NAALADL2: variants seen among roughly 807,000 people sequenced by gnomAD.
NAALADL2 encodes N-acetylated alpha-linked acidic dipeptidase like 2, also known as inactive N-acetylated-alpha-linked acidic dipeptidase-like protein 2.
In NAALADL2, 76 loss-of-function variants were observed where a neutral mutation model predicts 87.2. The ratio of observed to expected loss-of-function variants is 0.87; its 90% CI spans 0.72 to 1.05. The LOEUF is 1.05. Ranked by LOEUF, NAALADL2 falls within the 50% of genes least tolerant of loss-of-function variation. NAALADL2 has a pLI of 0.00. For synonymous variants in NAALADL2, 354 were observed against 331.0 expected, an observed-to-expected ratio of 1.07 and a Z score of -0.75; for missense variants, 1,089 against 945.8, an observed-to-expected ratio of 1.15 and a Z score of -1.99.
At chr3:175,501,083 A>G (rs1474458127) in intron 9 of NAALADL2, among the ~76,000 whole-genome samples, 3 of 152,084 alleles carry the variant, frequency 2.0e-5, no homozygotes, top group Non-Finnish European at 2.9e-5. Flanking sequence ...GTGATAATAC[A>G]TAGAAGAGGA....
At chr3:175,719,224 A>G (rs997365924) in intron 11 of NAALADL2, among the ~76,000 whole-genome samples, 1 of 151,300 alleles carries the variant, frequency 6.6e-6, no homozygotes, top group African/African-American at 2.4e-5. Context: ...GGGGTTACAA[A>G]AAAAAAAAAG....
At chr3:174,698,967 G>GTATATATA (rs139364042) in intron 2 of NAALADL2, among the ~76,000 whole-genome samples, 4 of 141,496 alleles carry the variant, frequency 2.8e-5, no homozygotes, top group East Asian at 4.4e-4. Context: ...GTGTGTGCGT[G>GTATATATA]TATATATATA....
chr3:174,927,502 A>G (rs181341132), intron 1 of NAALADL2, among the ~76,000 whole-genome samples: 34 of 152,312 alleles, frequency 2.2e-4, no homozygotes, highest in African/African-American at 7.2e-4. Context: ...AATTATAACA[A>G]ACTGTCTCTC....
chr3:175,026,485 A>G (rs1195627557), intron 1 of NAALADL2, among the ~76,000 whole-genome samples: 2 of 148,734 alleles, frequency 1.3e-5, no homozygotes, highest in African/African-American at 4.9e-5. Context: ...TCTCTACTAA[A>G]AAAAAAAAAA....
At chr3:174,563,181 T>A (rs1713832342) in intron 2 of NAALADL2, among the ~76,000 whole-genome samples, 1 of 151,814 alleles carries the variant, frequency 6.6e-6, no homozygotes, top group Non-Finnish European at 1.5e-5. Flanking sequence ...GAAGATGAGT[T>A]TCTTGTTTAT....
In NAALADL2 at chr3:175,558,712, T is replaced by C. The variant is rs80098271; in HGVS notation, c.1654-17329T>C. ...TCCCCAATGTATATCCTTGACAACGTTGTTGAAAATGATTTTACTGTATAT... is the reference window on the plus strand; with the variant it reads ...TCCCCAATGTATATCCTTGACAACGCTGTTGAAAATGATTTTACTGTATAT... On this transcript the variant is annotated intron_variant, in intron 9 of 13. Coordinates refer to ENST00000454872, the MANE Select transcript of NAALADL2 (RefSeq NM_207015.3). Among the ~76,000 whole-genome samples the C allele has an allele frequency of 1.8e-3, 281 of 152,300 alleles. 3 individuals carry two copies. Among genetic ancestry groups the C allele is most frequent in the Non-Finnish European group, 3.1e-3 (210 of 68,016 alleles).
intron 2 of NAALADL2, among the ~76,000 whole-genome samples, chr3:175,162,020 T>A (rs1290118196): frequency 6.6e-6 from 1 of 152,200 alleles, no homozygotes; most frequent in Non-Finnish European, 1.5e-5. Flanking sequence ...TTAGAGCAAT[T>A]GGAATTTCAC....
At chr3:175,343,300 T>G (rs909458737) in intron 5 of NAALADL2, among the ~76,000 whole-genome samples, 1 of 152,076 alleles carries the variant, frequency 6.6e-6, no homozygotes, top group African/African-American at 2.4e-5. Flanking sequence ...ATATAGAGTT[T>G]CTCCATTGCA....
intron 1 of NAALADL2, among the ~76,000 whole-genome samples, chr3:175,033,133 G>T (rs1396084373): frequency 1.3e-5 from 2 of 151,882 alleles, no homozygotes; most frequent in African/African-American, 4.8e-5. Flanking sequence ...GGTTGGTGGT[G>T]GGGAGGGGTC....
chr3:175,082,075 T>C (rs1432048743), intron 1 of NAALADL2, among the ~76,000 whole-genome samples: 1 of 152,120 alleles, frequency 6.6e-6, no homozygotes, highest in African/African-American at 2.4e-5. Flanking sequence ...TGTGTGTTTA[T>C]TAAAACACAA....
At chr3:175,619,260 G>GAAGT in intron 10 of NAALADL2, among the ~76,000 whole-genome samples, 1 of 88,968 alleles carries the variant, frequency 1.1e-5, no homozygotes, top group Non-Finnish European at 2.5e-5. Flanking sequence ...AGGAAGGAAG[G>GAAGT]AAGGAAGGAG....
chr3:175,294,584 C>T (rs1756070522), intron 4 of NAALADL2, among the ~76,000 whole-genome samples: 1 of 152,122 alleles, frequency 6.6e-6, no homozygotes, highest in Non-Finnish European at 1.5e-5. Flanking sequence ...CCCAAGATCA[C>T]GTAGCTTGGA....
intron 5 of NAALADL2, among the ~76,000 whole-genome samples, chr3:175,350,604 T>G (rs952005362): frequency 6.6e-6 from 1 of 152,124 alleles, no homozygotes; most frequent in African/African-American, 2.4e-5. Flanking sequence ...TAGGCGTCTC[T>G]TTTTCTCCTG....
chr3:174,637,678 G>A (rs1722782088), intron 2 of NAALADL2, among the ~76,000 whole-genome samples: 1 of 151,924 alleles, frequency 6.6e-6, no homozygotes, highest in East Asian at 1.9e-4. Flanking sequence ...AAGTTTTCAG[G>A]ACATTTCATG....
chr3:175,345,236 C>G (rs1052476061), intron 5 of NAALADL2, among the ~76,000 whole-genome samples: 1 of 151,766 alleles, frequency 6.6e-6, no homozygotes, highest in Non-Finnish European at 1.5e-5. Flanking sequence ...ATTGAGTAAC[C>G]TTCCTAAGGT....
Position 175,447,371 on chromosome 3 carries a change from T to C in NAALADL2, c.1233T>C (p.Asn411=), listed in dbSNP as rs1304873771. The change falls in exon 6 of 14, where the codon AAT becomes AAC. Residue 411 remains asparagine (N), a splice_region_variant and synonymous_variant. Transcript: ENST00000454872. ...GTAGCTCTCTAGAGCTTCCAAATAA[T>C]GGTAAAGTATTTAATGTCGTTCTCT... ...EACSSLELPN[N]EIRVVSMQVQ... The C allele has an allele frequency of 6.4e-7, 1 of 1,552,760 alleles. No homozygotes were observed. Among genetic ancestry groups the C allele is most frequent in the Non-Finnish European group, 8.7e-7 (1 of 1,152,596 alleles).
intron 1 of NAALADL2, among the ~76,000 whole-genome samples, chr3:175,083,979 T>C (rs949805068): frequency 1.3e-5 from 2 of 152,160 alleles, no homozygotes; most frequent in African/African-American, 4.8e-5. Context: ...GAACATGCAC[T>C]GTGTATGCCG....
rs568548959 is a variant in NAALADL2 at position 175,211,736 on chromosome 3, G to A, written c.546-22195G>A. On this transcript the variant is annotated intron_variant, in intron 2 of 13. Transcript: ENST00000454872. ...GGACTTGCTTGATTAACAAACAAGA[G>A]TTAATCCAAAGATAACACATTGTGA... is the stretch of plus-strand genomic sequence containing the variant. Among the ~76,000 whole-genome samples, 6 of 152,060 alleles carry A rather than the reference G, an allele frequency of 3.9e-5. No individual in the cohort carries two copies. In the South Asian group the frequency reaches 1.2e-3, roughly 31 times the overall value.
chr3:174,660,210 TATA>T (rs1356415763), intron 2 of NAALADL2, among the ~76,000 whole-genome samples: 1 of 152,178 alleles, frequency 6.6e-6, no homozygotes, highest in Admixed American at 6.6e-5. Context: ...AAAGATTTAT[TATA>T]ATGATTACAC....
Sources: gnomAD v4.1 joint callset for allele counts (sites outside exome capture counted in the v4.1 genomes callset) on GRCh38, gnomAD v4.1.1 for gene constraint, MANE v1.5 for transcripts, NCBI Gene and HGNC (gene_info 2026-07-23, HGNC 2026-07-21) for gene names.